The following SIRT3 variants were observed in gnomAD, a reference collection of about 807,000 sequenced individuals.
SIRT3 encodes NAD-dependent protein deacetylase sirtuin-3, mitochondrial.
SIRT3 carries 26 observed loss-of-function variants against 33.5 expected under a neutral mutation model. The observed-to-expected ratio is 0.78, with a 90% CI of 0.57 to 1.08. The LOEUF (loss-of-function observed/expected upper bound fraction) is 1.08. Ranked by LOEUF, SIRT3 falls within the 50% of genes least tolerant of loss-of-function variation. The pLI is 0.00. For synonymous variants in SIRT3, 237 were observed against 222.1 expected, an observed-to-expected ratio of 1.07 and a Z score of -0.60; for missense variants, 585 against 530.1, an observed-to-expected ratio of 1.10 and a Z score of -1.02.
At chr11:224,274 C>T (rs199760829) in intron 4 of SIRT3, 35 bp from the exon 5 acceptor site, 1 of 1,591,736 alleles carries the variant, frequency 6.3e-7, no homozygotes, top group African/African-American at 1.4e-5. Flanking sequence ...GAGGAAGATG[C>T]CTGCAACACC....
At position 215,422 on chromosome 11, in the gene SIRT3, TTAAC is replaced by T. The variant is rs1413844297; in HGVS notation, c.*1272_*1275del. On this transcript the variant is annotated 3_prime_UTR_variant, in exon 7 of 7. Transcript: ENST00000382743. ...AGACTCAAAAAATAAAAAAGGAACA[TTAAC>T]TAGGGTTAGAAACTAACTTCATTCT... 2 of 152,108 alleles carry T rather than the reference TTAAC, an allele frequency of 1.3e-5. No homozygotes were observed. Among genetic ancestry groups the T allele is most frequent in the Non-Finnish European group, 2.9e-5 (2 of 68,000 alleles). The allele number at this position is 152,108 out of a possible 1,614,324, so 9.4% of individuals were successfully genotyped here.
chr11:233,386 C>A lies in SIRT3; in HGVS notation c.430G>T (p.Val144Leu). ...CTGGGTGTGCTGATGCCGGCCCCCACCATGACCACCACCCTCTGGCAGGCT... is the reference window on the plus strand; with the variant it reads ...CTGGGTGTGCTGATGCCGGCCCCCAACATGACCACCACCCTCTGGCAGGCT... ...ARACQRVVVM[V>L]GAGISTPSGI... is the part of the protein sequence containing the mutation. The change falls in exon 2 of 7, where the codon GTG becomes TTG. Residue 144 changes from valine (V) to leucine (L), a missense_variant. Coordinates refer to ENST00000382743, the MANE Select transcript of SIRT3 (RefSeq NM_012239.6). The A allele has an allele frequency of 3.7e-6, 6 of 1,614,104 alleles. No homozygotes were observed. Among genetic ancestry groups the A allele is most frequent in the Non-Finnish European group, 5.1e-6 (6 of 1,180,000 alleles).
intron 4 of SIRT3, among the ~76,000 whole-genome samples, chr11:228,116 C>T (rs1392560796): frequency 6.6e-6 from 1 of 152,214 alleles, no homozygotes. Flanking sequence ...TCCCAGCCTA[C>T]TCTGTTCCTA....
In SIRT3 at chr11:223,616, A is replaced by AC; in HGVS notation, c.969+461dup. On this transcript the variant is annotated intron_variant, in intron 5 of 6. Coordinates refer to ENST00000382743, the MANE Select transcript of SIRT3 (RefSeq NM_012239.6). This position sits in a 1 kb window ranked among gnomAD's most constrained non-coding sequence, Gnocchi z 4.8. ...CCCTGCCCCTCCACCTCGCCCCCAC[A>AC]CCCCCATCCTTCTCCCTTCTCCTCA... The AC allele has an allele frequency of 3.5e-6, 1 of 288,894 alleles. No homozygotes were observed. The highest frequency in any genetic ancestry group is 6.7e-6 in the Non-Finnish European group (1 of 149,190). The allele number at this position is 288,894 out of a possible 1,614,324, so 17.9% of individuals were successfully genotyped here.
chr11:226,754 A>AT lies in SIRT3; in HGVS notation c.808-2516dup, dbSNP rs1483012577. On this transcript the variant is annotated intron_variant, in intron 4 of 6. Coordinates refer to ENST00000382743, the MANE Select transcript of SIRT3 (RefSeq NM_012239.6). ...TTAAGGAAGGCCTACAATTATTATT[A>AT]TTATTTTTTTTTTTTTGAGATGGAG... is the stretch of plus-strand genomic sequence containing the variant. Among the ~76,000 whole-genome samples, 110 of 78,592 alleles carry AT rather than the reference A, an allele frequency of 1.4e-3. 3 individuals are homozygous for AT. Among genetic ancestry groups the AT allele is most frequent in the East Asian group, 6.6e-3 (17 of 2,592 alleles). 51.6% of individuals were successfully genotyped at this position (78,592 alleles called of 152,430 possible). A position where few individuals can be genotyped will look rare whatever the true frequency, so the allele number is the denominator to read the frequency against.
intron 3 of SIRT3, 97 bp downstream of exon 3, chr11:232,886 C>G: frequency 8.6e-7 from 1 of 1,164,648 alleles, no homozygotes; most frequent in Non-Finnish European, 1.3e-6. Flanking sequence ...ACCCGAGCAT[C>G]CCCTGTGAGA....
rs200928165 is a variant in SIRT3, at chr11:218,872, G to A, written c.1139C>T (p.Thr380Ile). The change falls in exon 6 of 7, where the codon ACA (threonine) becomes ATA (isoleucine). Residue 380 changes from threonine (T) to isoleucine (I), a missense_variant. Thr to Ile is a moderately conservative substitution (Grantham distance 89). Transcript: ENST00000382743. ...VESLVELLGWTEEMRDLVQRE... is the reference protein window; with the variant it reads ...VESLVELLGWIEEMRDLVQRE... ...CTGCACAAGGTCCCGCATCTCTTCT[G>A]TCCAGCCCAGAAGCTCCACTAGGCT... 2 of 1,614,028 alleles carry A rather than the reference G, an allele frequency of 1.2e-6. No homozygotes were observed. The highest frequency in any genetic ancestry group is 1.3e-5 in the African/African-American group (1 of 74,896).
intron 4 of SIRT3, among the ~76,000 whole-genome samples, chr11:225,413 AAAAACAAAAC>A (rs59384450): frequency 4.6e-5 from 7 of 151,952 alleles, no homozygotes; most frequent in African/African-American, 1.2e-4. Flanking sequence ...CTCTGTCTCA[AAAAACAAAAC>A]AAAACAAAAC....
chr11:226,757 A>ATT (rs66851716), intron 4 of SIRT3, among the ~76,000 whole-genome samples: 1 of 136,968 alleles, frequency 7.3e-6, no homozygotes. Context: ...TATTATTATT[A>ATT]TTTTTTTTTT....
chr11:232,861 TC>T, intron 3 of SIRT3, 121 bp downstream of exon 3: 1 of 896,954 alleles, frequency 1.1e-6, no homozygotes. Flanking sequence ...GTTTTGGCCG[TC>T]CCCAGAAACA....
intron 3 of SIRT3, among the ~76,000 whole-genome samples, chr11:231,790 C>A (rs188381128): frequency 4.9e-4 from 74 of 152,192 alleles, no homozygotes; most frequent in African/African-American, 1.7e-3. Flanking sequence ...GTCAGGGGAT[C>A]CTTCTGGCAA....
rs1227510657 is a variant in SIRT3, at chr11:223,479, C to T, written c.969+599G>A. 1 of 303,074 alleles carries T rather than the reference C, an allele frequency of 3.3e-6. No homozygotes were observed. The highest frequency in any genetic ancestry group is 6.5e-6 in the Non-Finnish European group (1 of 152,992). 18.8% of individuals were successfully genotyped at this position (303,074 alleles called of 1,614,324 possible). A position where few individuals can be genotyped will look rare whatever the true frequency, so the allele number is the denominator to read the frequency against. On this transcript the variant is annotated intron_variant, in intron 5 of 6. Transcript: ENST00000382743. The surrounding 1 kb of genome is among the most constrained non-coding windows in gnomAD (Gnocchi z 4.8). ...CTGGCACTGCTTGCTCCACTCTCCA[C>T]TCCCCAAAGGCCTCCCTGACCCCAA...
chr11:230,664 G>A lies in SIRT3; in HGVS notation c.707-112C>T, dbSNP rs1857825493. The A allele has an allele frequency of 1.2e-5, 7 of 594,922 alleles. No homozygotes were observed. In the South Asian group the frequency reaches 2.6e-4, roughly 22 times the overall value. 36.9% of individuals were successfully genotyped at this position (594,922 alleles called of 1,614,324 possible). A position where few individuals can be genotyped will look rare whatever the true frequency, so the allele number is the denominator to read the frequency against. ...CTCCTGGAAGGAGGCACAGCCCCTT[G>A]GGGTTGTGATGTCCTCAAGCCTGGT... On this transcript the variant is annotated intron_variant, in intron 3 of 6. Transcript: ENST00000382743.
chr11:225,097 C>CA (rs11385996), intron 4 of SIRT3, among the ~76,000 whole-genome samples: 46,602 of 147,524 alleles, frequency 0.32, 8,933 homozygotes, highest in Non-Finnish European at 0.43. Flanking sequence ...ATTAAGGAAG[C>CA]AAAAAAAAAA....
chr11:234,102 T>G (rs10794302), intron 1 of SIRT3: 1 of 152,290 alleles, frequency 6.6e-6, no homozygotes, highest in Non-Finnish European at 1.5e-5. Context: ...CATTCCTCAT[T>G]TACGTAAATA....
chr11:220,680 C>G (rs1391573921), intron 5 of SIRT3, among the ~76,000 whole-genome samples: 1 of 152,218 alleles, frequency 6.6e-6, no homozygotes, highest in Non-Finnish European at 1.5e-5. Flanking sequence ...TTACATCTTT[C>G]TGGAAGGCAA....
rs200296470 is a variant in SIRT3 at position 218,820 on chromosome 11, A to G, written c.1179+12T>C. 158 of 1,614,054 alleles carry G rather than the reference A, an allele frequency of 9.8e-5. No individual in the cohort carries two copies. Among genetic ancestry groups the G allele is most frequent in the Admixed American group, 1.3e-4 (8 of 60,006 alleles). On this transcript the variant is annotated intron_variant, in intron 6 of 6. Coordinates refer to ENST00000382743, the MANE Select transcript of SIRT3 (RefSeq NM_012239.6). The stretch of plus-strand genomic sequence containing the variant: ...GGCAGCCCCTTGGATGGTCCTCCTC[A>G]GCAGTCTGTACCTTCCCAGTTTCCC...
Position 216,665 on chromosome 11 carries a change from G to A in SIRT3, c.*33C>T, listed in dbSNP as rs374854674. ...GAATTGGGATGTGGATGTCTCCTATGTTACCATTTATTGTGTGGGGGCAGC... is the reference window on the plus strand; with the variant it reads ...GAATTGGGATGTGGATGTCTCCTATATTACCATTTATTGTGTGGGGGCAGC... On this transcript the variant is annotated 3_prime_UTR_variant, in exon 7 of 7. Transcript: ENST00000382743. 3 of 1,613,444 alleles carry A rather than the reference G, an allele frequency of 1.9e-6. No individual in the cohort carries two copies. Among genetic ancestry groups the A allele is most frequent in the Non-Finnish European group, 2.5e-6 (3 of 1,179,448 alleles).
chr11:225,832 T>C (rs35238303), intron 4 of SIRT3: 23,771 of 152,180 alleles, frequency 0.16, 2,349 homozygotes, highest in Middle Eastern at 0.22. Context: ...CGGCAGAGTA[T>C]GATCCAGCAA....
Sources: gnomAD v4.1 joint callset for allele counts (sites outside exome capture counted in the v4.1 genomes callset) on GRCh38, gnomAD v4.1.1 for gene constraint, Gnocchi (gnomAD v3.1) non-coding constraint, MANE v1.5 for transcripts, NCBI Gene and HGNC (gene_info 2026-07-23, HGNC 2026-07-21) for gene names.